Variants in CSMD1 observed in about 807,000 individuals in gnomAD.
CSMD1 encodes CUB and sushi domain-containing protein 1.
Under a neutral mutation model 417.5 loss-of-function variants are expected in CSMD1, and 213 were observed. The ratio of observed to expected loss-of-function variants is 0.51; its 90% confidence interval spans 0.46 to 0.57. CSMD1 has a LOEUF of 0.57. Ranked by LOEUF, CSMD1 falls within the 20% of genes least tolerant of loss-of-function variation. CSMD1 has a pLI of 0.00. For missense variants in CSMD1, 6,923 were observed against 4,529.7 expected (o/e 1.53, Z -15.17); for synonymous variants, 2,862 against 1,736.8 (o/e 1.65, Z -16.11).
intron 3 of CSMD1, among the ~76,000 whole-genome samples, chr8:4,330,377 T>C (rs1195929082): frequency 1.3e-5 from 2 of 152,034 alleles, no homozygotes; most frequent in Admixed American, 6.6e-5. Flanking sequence ...GGCAGATCAC[T>C]TGAGGTCAGG....
intron 3 of CSMD1, among the ~76,000 whole-genome samples, chr8:4,176,307 ATC>A (rs918341090): frequency 6.6e-6 from 1 of 152,124 alleles, no homozygotes; most frequent in Non-Finnish European, 1.5e-5. Flanking sequence ...TGTCCATCTT[ATC>A]TATATTGTTT....
At chr8:4,699,519 G>C (rs556282170) in intron 1 of CSMD1, among the ~76,000 whole-genome samples, 48 of 152,214 alleles carry the variant, frequency 3.2e-4, no homozygotes, top group African/African-American at 1.0e-3. Flanking sequence ...CGAACACTCA[G>C]CTTATGTTCT....
At chr8:4,258,220 A>T in intron 3 of CSMD1, among the ~76,000 whole-genome samples, 1 of 148,882 alleles carries the variant, frequency 6.7e-6, no homozygotes, top group Admixed American at 6.8e-5. Context: ...TCTGAGATTA[A>T]AGGCATGAGC....
intron 1 of CSMD1, among the ~76,000 whole-genome samples, chr8:4,728,898 G>A (rs1809653381): frequency 6.6e-6 from 1 of 152,188 alleles, no homozygotes; most frequent in Admixed American, 6.5e-5. Flanking sequence ...GGAGAAAGAA[G>A]GAATTTGTCT....
At chr8:3,954,517 C>A (rs1046867670) in intron 5 of CSMD1, among the ~76,000 whole-genome samples, 3 of 152,102 alleles carry the variant, frequency 2.0e-5, no homozygotes, top group African/African-American at 4.8e-5. Flanking sequence ...CAGGCACCCA[C>A]CACCACTCCC....
intron 1 of CSMD1, among the ~76,000 whole-genome samples, chr8:4,673,996 C>A (rs1438002782): frequency 6.6e-6 from 1 of 152,106 alleles, no homozygotes; most frequent in Non-Finnish European, 1.5e-5. Flanking sequence ...GAATTGTGCA[C>A]TATACAGAGG....
rs751414380 is a variant in CSMD1 at position 3,359,183 on chromosome 8, A to G, written c.3273T>C (p.Arg1091=). The part of the protein sequence containing the change: ...TKLTCLGGGR[R]VWSAPLPRCV... ...ACCTTGGCAGAGGTGCACTCCACAC[A>G]CGGCGGCCCCCACCCAGGCAGGTAA... Residue 1091 remains arginine (R), a synonymous_variant, in exon 21 of 70, where the codon CGT becomes CGC. Transcript: ENST00000635120. The G allele has an allele frequency of 1.2e-6, 2 of 1,613,980 alleles. No homozygotes were observed. Among genetic ancestry groups the G allele is most frequent in the Non-Finnish European group, 1.7e-6 (2 of 1,179,968 alleles).
chr8:4,725,618 G>A (rs796117312), intron 1 of CSMD1, among the ~76,000 whole-genome samples: 8 of 152,276 alleles, frequency 5.3e-5, no homozygotes, highest in African/African-American at 1.7e-4. Flanking sequence ...ACTTTTTAAA[G>A]AAGCCTCTTG....
At chr8:4,889,036 T>G (rs749148916) in intron 1 of CSMD1, among the ~76,000 whole-genome samples, 7 of 152,158 alleles carry the variant, frequency 4.6e-5, no homozygotes, top group Non-Finnish European at 8.8e-5. Context: ...TGGCATTTAT[T>G]GTTTCAGGCA....
chr8:4,775,396 T>A (rs1348834576), intron 1 of CSMD1, among the ~76,000 whole-genome samples: 1 of 152,144 alleles, frequency 6.6e-6, no homozygotes, highest in Non-Finnish European at 1.5e-5. Flanking sequence ...TTAGAGTTTA[T>A]AAACTTCCAT....
intron 1 of CSMD1, among the ~76,000 whole-genome samples, chr8:4,867,913 C>G (rs1398192571): frequency 6.6e-6 from 1 of 151,780 alleles, no homozygotes; most frequent in East Asian, 1.9e-4. Context: ...GTTGAATTTT[C>G]GAGCTAAGAC....
chr8:4,757,322 G>C (rs146942409), intron 1 of CSMD1, among the ~76,000 whole-genome samples: 6 of 152,294 alleles, frequency 3.9e-5, no homozygotes, highest in Admixed American at 2.0e-4. Flanking sequence ...TGGCTATCAT[G>C]TCTTGAATTT....
At chr8:4,346,422 C>T (rs1213988642) in intron 3 of CSMD1, among the ~76,000 whole-genome samples, 2 of 152,088 alleles carry the variant, frequency 1.3e-5, no homozygotes, top group African/African-American at 2.4e-5. Context: ...GGGAGTATGA[C>T]CCACACAGTA....
At chr8:4,119,909 G>A (rs1386382804) in intron 3 of CSMD1, among the ~76,000 whole-genome samples, 2 of 151,892 alleles carry the variant, frequency 1.3e-5, no homozygotes, top group African/African-American at 4.8e-5. Flanking sequence ...TCTGGTAAGG[G>A]TAGTGGGAGG....
At chr8:3,756,589 C>T (rs1464086355) in intron 5 of CSMD1, among the ~76,000 whole-genome samples, 2 of 152,050 alleles carry the variant, frequency 1.3e-5, no homozygotes, top group African/African-American at 4.8e-5. Context: ...CAAAATACTG[C>T]ACTGATATTT....
chr8:3,843,541 A>C (rs1235078853), intron 5 of CSMD1, among the ~76,000 whole-genome samples: 1 of 152,214 alleles, frequency 6.6e-6, no homozygotes, highest in Non-Finnish European at 1.5e-5. Context: ...TAAAAGTAAA[A>C]AAAAAACAAG....
intron 3 of CSMD1, among the ~76,000 whole-genome samples, chr8:4,046,824 G>A (rs78856481): frequency 0.013 from 1,913 of 152,100 alleles, 26 homozygotes; most frequent in Non-Finnish European, 0.019. Flanking sequence ...AACTCTAAGC[G>A]CCAGGCACTT....
intron 39 of CSMD1, among the ~76,000 whole-genome samples, chr8:3,157,083 C>A (rs1434463717): frequency 4.0e-5 from 6 of 151,106 alleles, no homozygotes; most frequent in Non-Finnish European, 8.8e-5. Context: ...AAGCCGATCA[C>A]TTTGTGGGTT....
chr8:4,136,271 T>C (rs1803428794), intron 3 of CSMD1, among the ~76,000 whole-genome samples: 1 of 152,186 alleles, frequency 6.6e-6, no homozygotes, highest in Non-Finnish European at 1.5e-5. Context: ...TTGAACACAG[T>C]CAGGAACACA....
Sources: gnomAD v4.1 joint callset for allele counts (sites outside exome capture counted in the v4.1 genomes callset) on GRCh38, gnomAD v4.1.1 for gene constraint, MANE v1.5 for transcripts, NCBI Gene and HGNC (gene_info 2026-07-23, HGNC 2026-07-21) for gene names.